Variants in MAN1C1 observed in about 807,000 individuals in gnomAD.
MAN1C1 encodes mannosidase alpha class 1C member 1.
A neutral mutation model predicts 71.5 loss-of-function variants in MAN1C1; 49 were observed. That is an observed-to-expected ratio of 0.69 (90% CI 0.54 to 0.87). MAN1C1 has a LOEUF of 0.87. MAN1C1 is among the 40% of genes least tolerant of loss of function. MAN1C1 has a pLI of 0.00. For missense variants in MAN1C1, 743 were observed against 835.0 expected (o/e 0.89, Z 1.36); for synonymous variants, 352 against 343.7 (o/e 1.02, Z -0.27).
At chr1:25,724,134 T>C (rs2046803549) in intron 2 of MAN1C1, among the ~76,000 whole-genome samples, 1 of 151,792 alleles carries the variant, frequency 6.6e-6, no homozygotes, top group African/African-American at 2.4e-5. Context: ...GTTCAAGCGA[T>C]TCTCCTGCCT....
At chr1:25,768,613 C>A (rs1259310718) in intron 7 of MAN1C1, among the ~76,000 whole-genome samples, 1 of 124,070 alleles carries the variant, frequency 8.1e-6, no homozygotes, top group Non-Finnish European at 1.7e-5. Context: ...TCACATACAT[C>A]CACACTCCCC....
Position 25,690,052 on chromosome 1 carries a change from G to T in MAN1C1, c.637+3516G>T, listed in dbSNP as rs12071512. On this transcript the variant is annotated intron_variant, in intron 2 of 11. Transcript: ENST00000374332. ...CACCAAGTGAATCCCCCTCCCAGTC[G>T]CCCACTTGCCCTTCCTTGAATCTAT... is the stretch of plus-strand genomic sequence containing the variant. Among the ~76,000 whole-genome samples the T allele has an allele frequency of 3.6e-3, 543 of 152,244 alleles. 1 individual carries two copies. The highest frequency in any genetic ancestry group is 0.02 in the Middle Eastern group (6 of 294).
intron 1 of MAN1C1, among the ~76,000 whole-genome samples, chr1:25,632,826 A>T (rs192983624): frequency 1.5e-3 from 222 of 146,550 alleles, no homozygotes; most frequent in African/African-American, 5.3e-3. Context: ...TTCTAGCTTT[A>T]TTCCACTGCG....
chr1:25,698,964 A>T (rs1557770489), intron 2 of MAN1C1, among the ~76,000 whole-genome samples: 2 of 150,006 alleles, frequency 1.3e-5, no homozygotes, highest in African/African-American at 4.9e-5. Flanking sequence ...AAAAAAAAAA[A>T]GCTTCTTGGG....
At chr1:25,650,924 G>A (rs1162617958) in intron 1 of MAN1C1, among the ~76,000 whole-genome samples, 1 of 152,114 alleles carries the variant, frequency 6.6e-6, no homozygotes, top group Non-Finnish European at 1.5e-5. Context: ...GCTAAAGGGA[G>A]GCTTTATTGC....
chr1:25,711,413 C>T lies in MAN1C1; in HGVS notation c.637+24877C>T, dbSNP rs188340833. ...CACTCAGACATCTCTAAAGTCAAATCGCTCATGGATGGGTCAGTGTGGGAG... is the reference window on the plus strand; with the variant it reads ...CACTCAGACATCTCTAAAGTCAAATTGCTCATGGATGGGTCAGTGTGGGAG... On this transcript the variant is annotated intron_variant, in intron 2 of 11. Transcript: ENST00000374332. This position sits in a 1 kb window ranked among gnomAD's most constrained non-coding sequence, Gnocchi z 4.3. Among the ~76,000 whole-genome samples, 147 of 152,286 alleles carry T rather than the reference C, an allele frequency of 9.7e-4. No homozygotes were observed. Among genetic ancestry groups the T allele is most frequent in the Non-Finnish European group, 1.6e-3 (106 of 68,026 alleles).
intron 2 of MAN1C1, among the ~76,000 whole-genome samples, chr1:25,699,131 A>AC (rs1214433937): frequency 6.6e-6 from 1 of 151,574 alleles, no homozygotes. Flanking sequence ...ACATGGAGAA[A>AC]CCCCATCTCT....
intron 2 of MAN1C1, among the ~76,000 whole-genome samples, chr1:25,727,140 T>C (rs1012575497): frequency 1.3e-5 from 2 of 152,190 alleles, no homozygotes; most frequent in African/African-American, 4.8e-5. Context: ...TGGAGGCTGC[T>C]AGACCCAGCT....
chr1:25,736,053 G>C lies in MAN1C1; in HGVS notation c.638-10615G>C, dbSNP rs565132101. Among the ~76,000 whole-genome samples the C allele has an allele frequency of 3.9e-5, 6 of 152,334 alleles. No homozygotes were observed. In the East Asian group the frequency reaches 1.2e-3, roughly 29 times the overall value. The stretch of plus-strand genomic sequence containing the variant: ...AGGCAAGTAGAGGCCAGAGTGTGAA[G>C]GGTCTCTGTGTCTGCTGTTAGGAGC... On this transcript the variant is annotated intron_variant, in intron 2 of 11. Transcript: ENST00000374332.
chr1:25,673,625 A>G (rs544624345), intron 1 of MAN1C1, among the ~76,000 whole-genome samples: 3 of 152,338 alleles, frequency 2.0e-5, no homozygotes, highest in Admixed American at 1.3e-4. Context: ...TTGTCCAAAG[A>G]CACACAGCTG....
chr1:25,676,799 T>C (rs1436901938), intron 1 of MAN1C1, among the ~76,000 whole-genome samples: 6 of 152,176 alleles, frequency 3.9e-5, no homozygotes, highest in Non-Finnish European at 8.8e-5. Flanking sequence ...GCCAGCCTTG[T>C]GTGTATGTGT....
At chr1:25,635,240 T>A (rs1202738168) in intron 1 of MAN1C1, among the ~76,000 whole-genome samples, 1 of 152,050 alleles carries the variant, frequency 6.6e-6, no homozygotes, top group African/African-American at 2.4e-5. Context: ...ATAGACTTCA[T>A]CAGTAGAGCA....
In MAN1C1 at chr1:25,635,331, G is replaced by A. The variant is rs551520336; in HGVS notation, c.540+16994G>A. Among the ~76,000 whole-genome samples, 31 of 151,624 alleles carry A rather than the reference G, an allele frequency of 2.0e-4. No homozygotes were observed. The South Asian group carries it at 3.8e-3, about 18-fold the overall frequency. The stretch of plus-strand genomic sequence containing the variant: ...ATATAGGGTAGTCAGAATTTTTTGC[G>A]GCATTTTTCTCAATATGTATTTCAA... On this transcript the variant is annotated intron_variant, in intron 1 of 11. Transcript: ENST00000374332.
At chr1:25,773,088 C>T (rs1274804456) in intron 8 of MAN1C1, among the ~76,000 whole-genome samples, 2 of 152,366 alleles carry the variant, frequency 1.3e-5, no homozygotes, top group Non-Finnish European at 2.9e-5. Flanking sequence ...CATTCTCTAT[C>T]TTCCCCAAAT....
rs1285383768 is a variant in MAN1C1 at position 25,628,432 on chromosome 1, C to T, written c.540+10095C>T. On this transcript the variant is annotated intron_variant, in intron 1 of 11. Coordinates refer to ENST00000374332, the MANE Select transcript of MAN1C1 (RefSeq NM_020379.4). ...AAGCAATTCTCCTGCCTCAGTCTCCCGAGTAGCTGAGATTACAGGTGCATG... is the reference window on the plus strand; with the variant it reads ...AAGCAATTCTCCTGCCTCAGTCTCCTGAGTAGCTGAGATTACAGGTGCATG... 3.9e-5 allele frequency among the ~76,000 whole-genome samples: 6 copies of T among 152,220 alleles called. No homozygotes were observed. The South Asian group carries it at 6.2e-4, about 16-fold the overall frequency.
intron 1 of MAN1C1, among the ~76,000 whole-genome samples, chr1:25,652,958 A>G (rs1467621872): frequency 1.3e-5 from 2 of 152,020 alleles, no homozygotes; most frequent in African/African-American, 2.4e-5. Flanking sequence ...AGGTCTCGCC[A>G]TGTTGCCCAG....
At chr1:25,628,338 G>C (rs2045329081) in intron 1 of MAN1C1, among the ~76,000 whole-genome samples, 1 of 150,572 alleles carries the variant, frequency 6.6e-6, no homozygotes, top group Non-Finnish European at 1.5e-5. Context: ...AAGGAGTTTC[G>C]CTCTTGTTGC....
intron 9 of MAN1C1, 134 bp from the exon 10 acceptor site, chr1:25,780,806 C>G: frequency 1.1e-6 from 1 of 875,240 alleles, no homozygotes; most frequent in Non-Finnish European, 1.8e-6. Context: ...GCAGTCCAGG[C>G]AGGGGCACCC....
intron 2 of MAN1C1, among the ~76,000 whole-genome samples, chr1:25,703,356 A>G (rs2046472918): frequency 6.6e-6 from 1 of 152,214 alleles, no homozygotes; most frequent in Non-Finnish European, 1.5e-5. Context: ...CGGCACATCT[A>G]GGAGTTTTCA....
Sources: allele counts gnomAD v4.1 joint callset (sites outside exome capture counted in the v4.1 genomes callset), GRCh38; gene constraint gnomAD v4.1.1; non-coding constraint Gnocchi (gnomAD v3.1); transcripts MANE v1.5; gene names NCBI Gene and HGNC (gene_info 2026-07-23, HGNC 2026-07-21).